The following PTPRN2 variants were observed in gnomAD, a reference collection of about 807,000 sequenced individuals.
PTPRN2 encodes the protein receptor-type tyrosine-protein phosphatase N2.
A neutral mutation model predicts 118.8 loss-of-function variants in PTPRN2; 74 were observed. That is an observed-to-expected ratio of 0.62 (90% CI 0.52 to 0.76). The LOEUF is 0.76. Ranked by LOEUF, PTPRN2 falls within the 30% of genes least tolerant of loss-of-function variation. The pLI, the probability that PTPRN2 is intolerant of heterozygous loss-of-function variation, is 0.00. For synonymous variants in PTPRN2, 641 were observed against 608.0 expected (o/e 1.05, Z -0.80); for missense variants, 1,481 against 1,394.4 (o/e 1.06, Z -0.99).
intron 1 of PTPRN2, among the ~76,000 whole-genome samples, chr7:158,530,850 A>C (rs766278397): frequency 5.3e-5 from 8 of 152,208 alleles, no homozygotes; most frequent in Non-Finnish European, 8.8e-5. Flanking sequence ...TGTGGGTCCC[A>C]TGCAGGTTCC....
At chr7:157,684,783 G>C (rs1298559770) in intron 12 of PTPRN2, among the ~76,000 whole-genome samples, 1 of 151,854 alleles carries the variant, frequency 6.6e-6, no homozygotes, top group African/African-American at 2.4e-5. Context: ...ACCTCCCCCG[G>C]GCCGGGGTCT....
intron 2 of PTPRN2, among the ~76,000 whole-genome samples, chr7:158,323,553 C>A (rs914590727): frequency 6.6e-6 from 1 of 152,204 alleles, no homozygotes; most frequent in African/African-American, 2.4e-5. Flanking sequence ...TAACAGTAAT[C>A]TAGAATTGGG....
chr7:158,521,444 A>G (rs1823991608), intron 1 of PTPRN2, among the ~76,000 whole-genome samples: 1 of 152,270 alleles, frequency 6.6e-6, no homozygotes, highest in Middle Eastern at 3.2e-3. Flanking sequence ...GAAATCTATT[A>G]GTAATCAGCA....
intron 1 of PTPRN2, among the ~76,000 whole-genome samples, chr7:158,531,057 A>C (rs183073578): frequency 6.6e-6 from 1 of 152,204 alleles, no homozygotes; most frequent in East Asian, 1.9e-4. Context: ...GGCGTGGGTG[A>C]GCATGTGCAC....
At chr7:158,390,117 G>A (rs896765) in intron 2 of PTPRN2, among the ~76,000 whole-genome samples, 76,469 of 151,366 alleles carry the variant, frequency 0.51, 19,921 homozygotes, top group African/African-American at 0.55. Context: ...CTCCATCCCC[G>A]CCCCACCACC....
chr7:157,983,812 G>A (rs1452066160), intron 11 of PTPRN2, among the ~76,000 whole-genome samples: 1 of 152,004 alleles, frequency 6.6e-6, no homozygotes, highest in East Asian at 1.9e-4. Context: ...GAAATTGTCT[G>A]GACGTAATGC....
At chr7:158,193,306 G>A (rs10271837) in intron 4 of PTPRN2, among the ~76,000 whole-genome samples, 4 of 152,234 alleles carry the variant, frequency 2.6e-5, no homozygotes, top group Non-Finnish European at 4.4e-5. Flanking sequence ...GCAGCTGGAC[G>A]TGTCAGCCAC....
chr7:157,717,457 T>C (rs1798980293), intron 12 of PTPRN2, among the ~76,000 whole-genome samples: 1 of 152,260 alleles, frequency 6.6e-6, no homozygotes, highest in African/African-American at 2.4e-5. Context: ...TCAGCTGACT[T>C]AGTCAAAGGC....
chr7:158,480,632 G>A lies in PTPRN2; in HGVS notation c.163+9103C>T, dbSNP rs114847429. ...TAAAACAGTTAGCCAAGTTGTGAATGTAAAGGAAAAGTTCTTGGAGAAAAT... is the reference window on the plus strand; with the variant it reads ...TAAAACAGTTAGCCAAGTTGTGAATATAAAGGAAAAGTTCTTGGAGAAAAT... On this transcript the variant is annotated intron_variant, in intron 2 of 22. Transcript: ENST00000389418. 4.7e-3 allele frequency among the ~76,000 whole-genome samples: 721 copies of A among 152,314 alleles called. 6 individuals are homozygous for A. Among genetic ancestry groups the A allele is most frequent in the African/African-American group, 0.016 (678 of 41,562 alleles).
chr7:157,885,762 T>C (rs2151295214), intron 12 of PTPRN2, among the ~76,000 whole-genome samples: 1 of 152,350 alleles, frequency 6.6e-6, no homozygotes, highest in East Asian at 1.9e-4. Context: ...GGAACTTAAT[T>C]TGATGTGGGG....
intron 12 of PTPRN2, among the ~76,000 whole-genome samples, chr7:157,821,853 G>A (rs570420996): frequency 1.3e-4 from 20 of 152,226 alleles, no homozygotes; most frequent in South Asian, 4.1e-4. Context: ...TGTGAGAGAC[G>A]TGACTAAGGG....
At chr7:158,112,509 G>T (rs1212277495) in intron 9 of PTPRN2, among the ~76,000 whole-genome samples, 1 of 152,206 alleles carries the variant, frequency 6.6e-6, no homozygotes, top group East Asian at 1.9e-4. Flanking sequence ...CCGGTGGGGA[G>T]CCTGGGGATC....
intron 3 of PTPRN2, among the ~76,000 whole-genome samples, chr7:158,269,853 CAGAGACAGAGAGAGACAGAA>C (rs1319777401): frequency 9.3e-5 from 14 of 151,146 alleles, no homozygotes; most frequent in Non-Finnish European, 1.8e-4. Context: ...GTCGGAGACA[CAGAGACAGAGAGAGACAGAA>C]AGAGACAGAG....
intron 2 of PTPRN2, among the ~76,000 whole-genome samples, chr7:158,355,558 G>A (rs995900248): frequency 2.0e-5 from 3 of 152,212 alleles, no homozygotes; most frequent in South Asian, 2.1e-4. Context: ...CAGCAACAAC[G>A]GCAGGAGAGG....
At position 157,632,477 on chromosome 7, in the gene PTPRN2, G is replaced by C. The variant is rs1804020225; in HGVS notation, c.2197-10968C>G. Reference sequence around the variant, plus strand: ...CTAATTAATAAACTTAAAAAGATAAGTAATTTTTTCCTTACCACCTACTCT... The same window carrying C: ...CTAATTAATAAACTTAAAAAGATAACTAATTTTTTCCTTACCACCTACTCT... On this transcript the variant is annotated intron_variant, in intron 14 of 22. Transcript: ENST00000389418. The surrounding 1 kb of genome is among the most constrained non-coding windows in gnomAD (Gnocchi z 4.3). Among the ~76,000 whole-genome samples, 1 of 152,226 alleles carries C rather than the reference G, an allele frequency of 6.6e-6. No individual in the cohort carries two copies. The highest frequency in any genetic ancestry group is 1.5e-5 in the Non-Finnish European group (1 of 68,040).
intron 12 of PTPRN2, among the ~76,000 whole-genome samples, chr7:157,755,336 G>A (rs1307258488): frequency 1.3e-5 from 2 of 152,202 alleles, no homozygotes; most frequent in Non-Finnish European, 2.9e-5. Context: ...CCAAACAGTA[G>A]CTTCTGATGA....
At chr7:157,715,659 T>G (rs1371427593) in intron 12 of PTPRN2, among the ~76,000 whole-genome samples, 1 of 152,208 alleles carries the variant, frequency 6.6e-6, no homozygotes, top group African/African-American at 2.4e-5. Flanking sequence ...AGCAAGTTGA[T>G]CTGTGACTTT....
At chr7:157,733,147 C>T (rs1483485391) in intron 12 of PTPRN2, among the ~76,000 whole-genome samples, 4 of 35,488 alleles carry the variant, frequency 1.1e-4, no homozygotes, top group African/African-American at 1.4e-4. Flanking sequence ...GTTACTCTTT[C>T]CCGTCCCAGG....
rs374862714 is a variant in PTPRN2, at chr7:157,695,628, A to G, written c.1789-12691T>C. ...CTCCTAGTAAAGCATAGTAGTTGGC[A>G]TTGAGATAATTTAAGAACAAAGACA... is the stretch of plus-strand genomic sequence containing the variant. On this transcript the variant is annotated intron_variant, in intron 12 of 22. Transcript: ENST00000389418. Among the ~76,000 whole-genome samples, 3 of 152,256 alleles carry G rather than the reference A, an allele frequency of 2.0e-5. No individual in the cohort carries two copies. The East Asian group carries it at 5.8e-4, about 29-fold the overall frequency.
Sources: allele counts gnomAD v4.1 joint callset (sites outside exome capture counted in the v4.1 genomes callset), GRCh38; gene constraint gnomAD v4.1.1; non-coding constraint Gnocchi (gnomAD v3.1); transcripts MANE v1.5; gene names NCBI Gene and HGNC (gene_info 2026-07-23, HGNC 2026-07-21).